The following ZC3H14 variants were observed in gnomAD, a reference collection of about 807,000 sequenced individuals.
ZC3H14 encodes zinc finger CCCH domain-containing protein 14.
Under a neutral mutation model 92.4 loss-of-function variants are expected in ZC3H14, and 31 were observed. The observed-to-expected ratio is 0.34, with a 90% confidence interval of 0.25 to 0.45. The LOEUF is 0.45. ZC3H14 is among the 20% of genes least tolerant of loss of function. ZC3H14 has a pLI of 1.00. For missense variants in ZC3H14, 781 were observed against 897.3 expected (o/e 0.87, Z 1.66); for synonymous variants, 321 against 300.9 (o/e 1.07, Z -0.69).
chr14:88,620,563 C>T lies in ZC3H14; in HGVS notation c.*8812C>T, dbSNP rs1245125299. 4 of 456,274 alleles carry T rather than the reference C, an allele frequency of 8.8e-6. No individual in the cohort carries two copies. Among genetic ancestry groups the T allele is most frequent in the South Asian group, 6.4e-5 (1 of 15,682 alleles). 28.3% of individuals were successfully genotyped at this position (456,274 alleles called of 1,614,324 possible). On this transcript the variant is annotated 3_prime_UTR_variant, in exon 17 of 17. Coordinates refer to ENST00000251038, the MANE Select transcript of ZC3H14 (RefSeq NM_024824.5). The surrounding 1 kb of genome is among the most constrained non-coding windows in gnomAD (Gnocchi z 4.3). ...CTAGTACTTGCTATTATAGTTGGTG[C>T]CCAGTGGGTTTATAATTTAGCAAGA...
At chr14:88,567,371 TCCC>T (rs1277287616) in intron 2 of ZC3H14, among the ~76,000 whole-genome samples, 26 of 151,290 alleles carry the variant, frequency 1.7e-4, no homozygotes, top group Admixed American at 3.9e-4. Flanking sequence ...CACCTTGGCC[TCCC>T]AAAGTGCTGG....
In ZC3H14 at chr14:88,595,806, C is replaced by T. The variant is rs191942664; in HGVS notation, c.1280-928C>T. Among the ~76,000 whole-genome samples the T allele has an allele frequency of 2.6e-3, 391 of 152,300 alleles. 3 individuals are homozygous for T. Among genetic ancestry groups the T allele is most frequent in the Non-Finnish European group, 4.6e-3 (310 of 68,032 alleles). ...GCAAAGCCTGTCCTTGTGAAGCCAC[C>T]TGTAATGGATATACCCAAAATCAGC... On this transcript the variant is annotated intron_variant, in intron 9 of 16. Transcript: ENST00000251038.
At chr14:88,563,582 G>C in intron 1 of ZC3H14, 69 bp from the exon 2 acceptor site, 1 of 1,597,348 alleles carries the variant, frequency 6.3e-7, no homozygotes. Context: ...GGCCTCAGCC[G>C]CTGCAGAGTC....
At chr14:88,573,962 A>G (rs991081088) in intron 6 of ZC3H14, among the ~76,000 whole-genome samples, 1 of 152,122 alleles carries the variant, frequency 6.6e-6, no homozygotes, top group African/African-American at 2.4e-5. Context: ...CTCATGCTAT[A>G]CCAGATTTTC....
intron 8 of ZC3H14, among the ~76,000 whole-genome samples, chr14:88,577,229 T>C: frequency 6.6e-6 from 1 of 152,232 alleles, no homozygotes; most frequent in South Asian, 2.1e-4. Flanking sequence ...CTTGACCTAA[T>C]GATATATCTA....
chr14:88,568,259 G>T, intron 3 of ZC3H14, 106 bp downstream of exon 3: 1 of 925,478 alleles, frequency 1.1e-6, no homozygotes. Flanking sequence ...TTACTTTGGA[G>T]AGGCAGTTTG....
intron 9 of ZC3H14, among the ~76,000 whole-genome samples, chr14:88,585,273 T>C (rs2082337538): frequency 6.6e-6 from 1 of 152,210 alleles, no homozygotes; most frequent in Non-Finnish European, 1.5e-5. Context: ...GCTTTTCTGT[T>C]TTTTCTCATG....
rs747820916 is a variant in ZC3H14, at chr14:88,625,019, A to G, written c.*13268A>G. ...ATAAGTCCATCTCGCAGGGTGGTGT[A>G]CATGGCAAACACAGGCCCGTTGTGA... is the stretch of plus-strand genomic sequence containing the variant. On this transcript the variant is annotated 3_prime_UTR_variant, in exon 17 of 17. Coordinates refer to ENST00000251038, the MANE Select transcript of ZC3H14 (RefSeq NM_024824.5). 1 of 1,613,788 alleles carries G rather than the reference A, an allele frequency of 6.2e-7. No homozygotes were observed.
At chr14:88,604,421 G>A (rs1462147576) in intron 12 of ZC3H14, among the ~76,000 whole-genome samples, 1 of 152,098 alleles carries the variant, frequency 6.6e-6, no homozygotes, top group Admixed American at 6.5e-5. Flanking sequence ...CAGTTCTCAG[G>A]AGTCTCTAGT....
At position 88,618,667 on chromosome 14, in the gene ZC3H14, C is replaced by A; in HGVS notation, c.*6916C>A. 1 of 1,612,868 alleles carries A rather than the reference C, an allele frequency of 6.2e-7. No individual in the cohort carries two copies. Among genetic ancestry groups the A allele is most frequent in the Non-Finnish European group, 8.5e-7 (1 of 1,179,438 alleles). On this transcript the variant is annotated 3_prime_UTR_variant, in exon 17 of 17. Transcript: ENST00000251038. ...TACTGTACCTGGAGATAACTGCTAT[C>A]TGCAGAGAAGTCCATTTGAATGACA...
chr14:88,609,116 A>G, intron 13 of ZC3H14, 151 bp from the exon 14 acceptor site: 3 of 911,444 alleles, frequency 3.3e-6, no homozygotes, highest in South Asian at 1.7e-5. Context: ...ATTTTGATAT[A>G]TGGTCTTATT....
At position 88,613,008 on chromosome 14, in the gene ZC3H14, C is replaced by T. The variant is rs2087031977; in HGVS notation, c.*1257C>T. 1 of 152,160 alleles carries T rather than the reference C, an allele frequency of 6.6e-6. No homozygotes were observed. The highest frequency in any genetic ancestry group is 2.4e-5 in the African/African-American group (1 of 41,304). 9.4% of individuals were successfully genotyped at this position (152,160 alleles called of 1,614,324 possible). On this transcript the variant is annotated 3_prime_UTR_variant, in exon 17 of 17. Coordinates refer to ENST00000251038, the MANE Select transcript of ZC3H14 (RefSeq NM_024824.5). Reference sequence around the variant, plus strand: ...AAAAAAAAAAAAGTTCATTGACTTGCTTAGTCGTATACTCAAATGATGATA... The same window carrying T: ...AAAAAAAAAAAAGTTCATTGACTTGTTTAGTCGTATACTCAAATGATGATA...
At chr14:88,610,666 T>C (rs2086495787) in intron 15 of ZC3H14, among the ~76,000 whole-genome samples, 168 bp from the exon 16 acceptor site, 1 of 146,376 alleles carries the variant, frequency 6.8e-6, no homozygotes, top group Non-Finnish European at 1.5e-5. Context: ...AAAACAGGCT[T>C]GGTAGCACAC....
chr14:88,608,309 T>C (rs2085945386), intron 13 of ZC3H14: 1 of 473,334 alleles, frequency 2.1e-6, no homozygotes, highest in African/African-American at 2.1e-5. Context: ...ACCCTGCAAG[T>C]GAATACCATC....
intron 2 of ZC3H14, among the ~76,000 whole-genome samples, chr14:88,565,953 C>T (rs951872331): frequency 3.5e-5 from 5 of 142,632 alleles, no homozygotes; most frequent in Admixed American, 1.5e-4. Flanking sequence ...CTGCAACCTC[C>T]GCCTCCCAGG....
intron 9 of ZC3H14, among the ~76,000 whole-genome samples, chr14:88,579,996 G>T (rs2081684667): frequency 6.6e-6 from 1 of 152,218 alleles, no homozygotes; most frequent in Admixed American, 6.5e-5. Flanking sequence ...AGGATCACTT[G>T]AGACTAGCCT....
chr14:88,572,001 G>C (rs1382414856), intron 4 of ZC3H14, 29 bp from the exon 5 acceptor site: 2 of 1,512,050 alleles, frequency 1.3e-6, no homozygotes, highest in Non-Finnish European at 1.8e-6. Context: ...AATAAAAATA[G>C]ATTAAAAGGA....
rs1263109629 is a variant in ZC3H14 at position 88,580,102 on chromosome 14, G to A, written c.1279+1962G>A. Reference sequence around the variant, plus strand: ...CCTGTCTCCTTGGGAGGCTGAAGTGGGAGGATTGCTGGAGCCCGGGAGGCT... The same window carrying A: ...CCTGTCTCCTTGGGAGGCTGAAGTGAGAGGATTGCTGGAGCCCGGGAGGCT... On this transcript the variant is annotated intron_variant, in intron 9 of 16. Transcript: ENST00000251038. Among the ~76,000 whole-genome samples, 4 of 151,982 alleles carry A rather than the reference G, an allele frequency of 2.6e-5. No individual in the cohort carries two copies. The East Asian group carries it at 7.8e-4, about 29-fold the overall frequency.
rs1567004074 is a variant in ZC3H14 at position 88,614,211 on chromosome 14, C to T, written c.*2460C>T. On this transcript the variant is annotated 3_prime_UTR_variant, in exon 17 of 17. Transcript: ENST00000251038. Reference sequence around the variant, plus strand: ...GGGCAGGTTGTTCAGGGATTTTTTTCCTCCTTTAATTTATTGACTGACTGT... The same window carrying T: ...GGGCAGGTTGTTCAGGGATTTTTTTTCTCCTTTAATTTATTGACTGACTGT... 6.6e-6 allele frequency: 1 copy of T among 152,062 alleles called. No individual in the cohort carries two copies. The highest frequency in any genetic ancestry group is 1.5e-5 in the Non-Finnish European group (1 of 68,002). The allele number at this position is 152,062 out of a possible 1,614,324, so 9.4% of individuals were successfully genotyped here. A position where few individuals can be genotyped will look rare whatever the true frequency, so the allele number is the denominator to read the frequency against.
Sources: allele counts gnomAD v4.1 joint callset (sites outside exome capture counted in the v4.1 genomes callset), GRCh38; gene constraint gnomAD v4.1.1; non-coding constraint Gnocchi (gnomAD v3.1); transcripts MANE v1.5; gene names NCBI Gene and HGNC (gene_info 2026-07-23, HGNC 2026-07-21).